The following KDM6A variants were observed in gnomAD, a reference collection of about 807,000 sequenced individuals.
KDM6A encodes the protein lysine-specific demethylase 6A.
Under a neutral mutation model 117.6 loss-of-function variants are expected in KDM6A, and 11 were observed. The observed-to-expected ratio is 0.09, with a 90% CI of 0.06 to 0.15. The LOEUF (loss-of-function observed/expected upper bound fraction) is 0.15, where lower values mean the gene tolerates loss of function less well. KDM6A is among the 10% of genes least tolerant of loss of function. KDM6A has a pLI of 1.00. For synonymous variants in KDM6A, 384 were observed against 396.1 expected (o/e 0.97, Z 0.36); for missense variants, 799 against 1,077.3 (o/e 0.74, Z 3.62).
chrX:45,009,025 C>G (rs1402976390), intron 4 of KDM6A, among the ~76,000 whole-genome samples: 1 of 111,857 alleles, frequency 8.9e-6, no homozygotes, highest in African/African-American at 3.3e-5. Flanking sequence ...TTAGGACAAA[C>G]TTTAGCATTT....
intron 2 of KDM6A, among the ~76,000 whole-genome samples, chrX:44,907,485 T>C (rs1039655326): frequency 1.0e-4 from 11 of 105,143 alleles, no homozygotes; most frequent in African/African-American, 2.1e-4. Flanking sequence ...TTTTTTCTTT[T>C]TTTTTTTTTT....
At chrX:45,001,714 A>G (rs1183272422) in intron 4 of KDM6A, among the ~76,000 whole-genome samples, 1 of 111,747 alleles carries the variant, frequency 8.9e-6, no homozygotes, top group African/African-American at 3.3e-5. Context: ...AAAGAGAGTT[A>G]AATTTTTCTT....
chrX:44,913,741 T>C (rs1385644762), intron 2 of KDM6A, among the ~76,000 whole-genome samples: 1 of 107,810 alleles, frequency 9.3e-6, no homozygotes, highest in Non-Finnish European at 1.9e-5. Context: ...TTTGTGTGTG[T>C]GCGTATATAT....
chrX:44,906,678 T>C (rs929981092), intron 2 of KDM6A, among the ~76,000 whole-genome samples: 1 of 110,558 alleles, frequency 9.0e-6, no homozygotes, highest in African/African-American at 3.3e-5. Flanking sequence ...TGTATGTGTG[T>C]GTATATAGAG....
At chrX:44,931,369 C>T (rs2036615847) in intron 2 of KDM6A, among the ~76,000 whole-genome samples, 1 of 111,843 alleles carries the variant, frequency 8.9e-6, no homozygotes, top group Non-Finnish European at 1.9e-5. Flanking sequence ...ACTACACACC[C>T]GGCCTCCAAA....
intron 4 of KDM6A, among the ~76,000 whole-genome samples, chrX:44,980,257 G>A (rs1037353017): frequency 9.0e-6 from 1 of 111,417 alleles, no homozygotes; most frequent in East Asian, 2.8e-4. Flanking sequence ...GCCTCCCAAA[G>A]TGCTGGGATT....
chrX:44,978,502 T>C (rs759541481), intron 4 of KDM6A, among the ~76,000 whole-genome samples: 1 of 112,308 alleles, frequency 8.9e-6, no homozygotes, highest in Non-Finnish European at 1.9e-5. Context: ...CTTCTAGGAT[T>C]TTCCTGGCTG....
At chrX:45,089,426 T>C (rs2045794407) in intron 25 of KDM6A, among the ~76,000 whole-genome samples, 1 of 108,490 alleles carries the variant, frequency 9.2e-6, no homozygotes, top group Non-Finnish European at 1.9e-5. Flanking sequence ...CTCCAGAGGC[T>C]GAGGCAGGAG....
At chrX:45,079,548 C>T (rs748347932) in intron 21 of KDM6A, among the ~76,000 whole-genome samples, 197 bp downstream of exon 21, 2 of 109,994 alleles carry the variant, frequency 1.8e-5, no homozygotes, top group Non-Finnish European at 3.8e-5. Context: ...TATGTACGTA[C>T]GTATGTGTAT....
At chrX:44,946,024 G>GAT (rs760557900) in intron 2 of KDM6A, among the ~76,000 whole-genome samples, 115 of 112,440 alleles carry the variant, frequency 1.0e-3, no homozygotes, top group Middle Eastern at 4.6e-3. Context: ...TTTGTCCTTT[G>GAT]ATCTTTTATT....
At chrX:45,071,568 G>A (rs1473934621) in intron 18 of KDM6A, among the ~76,000 whole-genome samples, 1 of 111,372 alleles carries the variant, frequency 9.0e-6, no homozygotes, top group Non-Finnish European at 1.9e-5. Flanking sequence ...ATATAAGTTT[G>A]CTGCTTGGGA....
chrX:45,036,484 A>C (rs1362281498), intron 7 of KDM6A, among the ~76,000 whole-genome samples: 1 of 112,176 alleles, frequency 8.9e-6, no homozygotes, highest in Non-Finnish European at 1.9e-5. Flanking sequence ...TTCAGGATCC[A>C]GTACTGATTA....
At chrX:44,906,720 C>T (rs990300313) in intron 2 of KDM6A, among the ~76,000 whole-genome samples, 6 of 110,564 alleles carry the variant, frequency 5.4e-5, no homozygotes, top group African/African-American at 2.0e-4. Context: ...GATGGGGTTT[C>T]GCCATGTTGC....
intron 4 of KDM6A, among the ~76,000 whole-genome samples, chrX:44,996,960 T>TG (rs962507385): frequency 9.0e-6 from 1 of 111,437 alleles, no homozygotes; most frequent in African/African-American, 3.3e-5. Flanking sequence ...GGGCATGTGA[T>TG]GGGGGTGTGG....
At chrX:44,950,412 A>G (rs1342802842) in intron 2 of KDM6A, among the ~76,000 whole-genome samples, 1 of 112,051 alleles carries the variant, frequency 8.9e-6, no homozygotes, top group African/African-American at 3.2e-5. Context: ...TTTTTAAAAG[A>G]TCATTTAAGG....
At chrX:45,045,412 C>T (rs1011217663) in intron 8 of KDM6A, among the ~76,000 whole-genome samples, 1 of 108,796 alleles carries the variant, frequency 9.2e-6, no homozygotes, top group East Asian at 2.9e-4. Context: ...ATGGTGAAAC[C>T]CCGCTTTTAC....
chrX:44,976,004 A>G (rs771630713), intron 4 of KDM6A, among the ~76,000 whole-genome samples: 85 of 111,560 alleles, frequency 7.6e-4, no homozygotes, highest in African/African-American at 2.5e-3. Flanking sequence ...TGCTGGCAGG[A>G]CCCCCTTTCT....
chrX:44,995,112 C>T (rs1333733558), intron 4 of KDM6A, among the ~76,000 whole-genome samples: 1 of 111,113 alleles, frequency 9.0e-6, no homozygotes, highest in Non-Finnish European at 1.9e-5. Context: ...GTTAGTTTTT[C>T]GAGGAAATTC....
At chrX:44,887,673 A>G (rs2033004151) in intron 2 of KDM6A, among the ~76,000 whole-genome samples, 1 of 111,250 alleles carries the variant, frequency 9.0e-6, no homozygotes, top group African/African-American at 3.3e-5. Context: ...CGCCATTAAC[A>G]TAGTTAATAG....
Sources: allele counts gnomAD v4.1 joint callset (sites outside exome capture counted in the v4.1 genomes callset), GRCh38; gene constraint gnomAD v4.1.1; transcripts MANE v1.5; gene names NCBI Gene and HGNC (gene_info 2026-07-23, HGNC 2026-07-21).